The following NRXN1 variants were observed in gnomAD, a reference collection of about 807,000 sequenced individuals.
The protein encoded by NRXN1 is neurexin 1.
Under a neutral mutation model 150.9 loss-of-function variants are expected in NRXN1, and 39 were observed. The observed-to-expected ratio is 0.26, with a 90% CI of 0.20 to 0.34. The LOEUF is 0.34. Among genes scored for constraint, NRXN1 ranks in the 10% least tolerant of loss-of-function variants. NRXN1 has a pLI of 1.00. For synonymous variants in NRXN1, 924 were observed against 757.0 expected (o/e 1.22, Z -3.62); for missense variants, 1,815 against 1,949.9 (o/e 0.93, Z 1.30).
intron 5 of NRXN1, among the ~76,000 whole-genome samples, chr2:50,677,917 ATTATT>A (rs1204714687): frequency 6.6e-6 from 1 of 152,156 alleles, no homozygotes; most frequent in Non-Finnish European, 1.5e-5. Context: ...CATCTCAGAA[ATTATT>A]TTAAAGTATG....
At chr2:50,235,208 A>G (rs2065304072) in intron 18 of NRXN1, among the ~76,000 whole-genome samples, 2 of 152,056 alleles carry the variant, frequency 1.3e-5, no homozygotes, top group Non-Finnish European at 2.9e-5. Context: ...GAGCAAATAC[A>G]TTTTGAAAGT....
At chr2:50,516,182 T>C (rs554833329) in intron 12 of NRXN1, among the ~76,000 whole-genome samples, 1 of 152,284 alleles carries the variant, frequency 6.6e-6, no homozygotes, top group Admixed American at 6.5e-5. Flanking sequence ...TTAACATTAC[T>C]AGAGGCAGGA....
chr2:50,680,623 T>C (rs1359253682), intron 5 of NRXN1, among the ~76,000 whole-genome samples: 1 of 152,154 alleles, frequency 6.6e-6, no homozygotes, highest in Non-Finnish European at 1.5e-5. Flanking sequence ...CTTTATAATG[T>C]AACCAAGAAT....
chr2:50,140,661 T>C lies in NRXN1; in HGVS notation c.3547-49167A>G, dbSNP rs550981920. On this transcript the variant is annotated intron_variant, in intron 18 of 22. Coordinates refer to ENST00000401669, the MANE Select transcript of NRXN1 (RefSeq NM_001330078.2). The stretch of plus-strand genomic sequence containing the variant: ...ACTTTGTTCGATATTCTGAGCTTTT[T>C]TCTCTCTCTTTTTTTTTTTTAATAG... Among the ~76,000 whole-genome samples, 340 of 147,424 alleles carry C rather than the reference T, an allele frequency of 2.3e-3. 2 individuals are homozygous for C. The highest frequency in any genetic ancestry group is 6.9e-3 in the Middle Eastern group (2 of 288).
At chr2:50,313,388 A>G (rs1169228969) in intron 17 of NRXN1, among the ~76,000 whole-genome samples, 4 of 152,038 alleles carry the variant, frequency 2.6e-5, no homozygotes, top group Non-Finnish European at 5.9e-5. Context: ...TGCATTTATG[A>G]TGCTCTTGAG....
intron 18 of NRXN1, among the ~76,000 whole-genome samples, chr2:50,138,243 A>G (rs983238271): frequency 6.6e-6 from 1 of 152,196 alleles, no homozygotes; most frequent in Non-Finnish European, 1.5e-5. Context: ...CACATTTATA[A>G]GTATGTATAT....
chr2:50,981,570 T>C (rs1010195206), intron 2 of NRXN1, among the ~76,000 whole-genome samples: 1 of 152,010 alleles, frequency 6.6e-6, no homozygotes, highest in Non-Finnish European at 1.5e-5. Context: ...TTAATTTTTT[T>C]TATATTATGG....
At chr2:50,007,464 G>A (rs1037796485) in intron 21 of NRXN1, among the ~76,000 whole-genome samples, 4 of 152,038 alleles carry the variant, frequency 2.6e-5, no homozygotes, top group Admixed American at 1.3e-4. Context: ...TCCCACTTAT[G>A]AGTGAGAACA....
In NRXN1 at chr2:50,978,766, T is replaced by C. The variant is rs534470284; in HGVS notation, c.772+48736A>G. ...AATCACTTCACACTTCTTTGTGCTT[T>C]TCCCCATGAATTATGATAACGAGAA... On this transcript the variant is annotated intron_variant, in intron 2 of 22. Coordinates refer to ENST00000401669, the MANE Select transcript of NRXN1 (RefSeq NM_001330078.2). Among the ~76,000 whole-genome samples the C allele has an allele frequency of 2.6e-5, 4 of 152,198 alleles. No individual in the cohort carries two copies. In the South Asian group the frequency reaches 8.3e-4, roughly 32 times the overall value.
At chr2:50,426,216 G>T (rs2084474533) in intron 17 of NRXN1, among the ~76,000 whole-genome samples, 1 of 152,146 alleles carries the variant, frequency 6.6e-6, no homozygotes, top group African/African-American at 2.4e-5. Flanking sequence ...CTAGGATAAA[G>T]CTGCAAGCGT....
chr2:50,198,926 C>G (rs2061958531), intron 18 of NRXN1, among the ~76,000 whole-genome samples: 1 of 152,098 alleles, frequency 6.6e-6, no homozygotes, highest in Non-Finnish European at 1.5e-5. Context: ...GTCCCCAGAG[C>G]TACAAAGGTG....
At chr2:50,837,485 TG>T (rs1331576998) in intron 5 of NRXN1, among the ~76,000 whole-genome samples, 2 of 152,132 alleles carry the variant, frequency 1.3e-5, no homozygotes, top group Non-Finnish European at 2.9e-5. Flanking sequence ...TTTTCTTTCT[TG>T]CAAAACTGGG....
chr2:50,318,444 C>G (rs1239500751), intron 17 of NRXN1, among the ~76,000 whole-genome samples: 1 of 152,060 alleles, frequency 6.6e-6, no homozygotes, highest in African/African-American at 2.4e-5. Context: ...TGAGTCTATG[C>G]CCTAGAGAAA....
chr2:50,621,451 A>G (rs1680002975), intron 6 of NRXN1, among the ~76,000 whole-genome samples: 1 of 152,126 alleles, frequency 6.6e-6, no homozygotes, highest in South Asian at 2.1e-4. Context: ...TTTTACAAGA[A>G]AAAAGCAGAC....
At position 50,273,169 on chromosome 2, in the gene NRXN1, T is replaced by C. The variant is rs187177156; in HGVS notation, c.3365-36199A>G. 2.5e-3 allele frequency among the ~76,000 whole-genome samples: 378 copies of C among 152,302 alleles called. 1 individual carries two copies. The highest frequency in any genetic ancestry group is 9.0e-3 in the African/African-American group (373 of 41,548). ...GAGCGTTGGGCAACTCTCAACACTG[T>C]TCAAAGGAAGGGAAGTTTGGATTCA... On this transcript the variant is annotated intron_variant, in intron 17 of 22. Coordinates refer to ENST00000401669, the MANE Select transcript of NRXN1 (RefSeq NM_001330078.2).
At chr2:50,283,446 T>C (rs2071723303) in intron 17 of NRXN1, among the ~76,000 whole-genome samples, 1 of 152,106 alleles carries the variant, frequency 6.6e-6, no homozygotes, top group Non-Finnish European at 1.5e-5. Flanking sequence ...AAACACAAAA[T>C]ACATATGCCA....
At chr2:50,553,156 G>A in intron 8 of NRXN1, 131 bp from the exon 9 acceptor site, 1 of 670,634 alleles carries the variant, frequency 1.5e-6, no homozygotes, top group South Asian at 2.0e-5. Context: ...TTGTATAAAG[G>A]CAACATTTCT....
chr2:50,426,807 C>T (rs1387007031), intron 17 of NRXN1, among the ~76,000 whole-genome samples: 2 of 152,168 alleles, frequency 1.3e-5, no homozygotes, highest in Non-Finnish European at 2.9e-5. Context: ...AATGAGGTCC[C>T]TTTGTCATGC....
At chr2:50,505,850 T>C (rs2092194722) in intron 13 of NRXN1, among the ~76,000 whole-genome samples, 1 of 152,152 alleles carries the variant, frequency 6.6e-6, no homozygotes, top group African/African-American at 2.4e-5. Flanking sequence ...AATATCCCAG[T>C]GGGTCACGTG....
Sources: gnomAD v4.1 joint callset for allele counts (sites outside exome capture counted in the v4.1 genomes callset) on GRCh38, gnomAD v4.1.1 for gene constraint, MANE v1.5 for transcripts, NCBI Gene and HGNC (gene_info 2026-07-23, HGNC 2026-07-21) for gene names.